The following FBXO5 variants were observed in gnomAD, a reference collection of about 807,000 sequenced individuals.
FBXO5 encodes F-box only protein 5.
A neutral mutation model predicts 43.3 loss-of-function variants in FBXO5; 8 were observed. That is an observed-to-expected ratio of 0.18 (90% confidence interval 0.11 to 0.33). The LOEUF is 0.33. Ranked by LOEUF, FBXO5 falls within the 10% of genes least tolerant of loss-of-function variation. The pLI, the probability that FBXO5 is intolerant of heterozygous loss-of-function variation, is 1.00. For synonymous variants in FBXO5, 204 were observed against 193.7 expected (o/e 1.05, Z -0.44); for missense variants, 491 against 535.7 (o/e 0.92, Z 0.82).
chr6:152,974,838 G>T, intron 2 of FBXO5, 69 bp downstream of exon 2: 4 of 1,210,482 alleles, frequency 3.3e-6, no homozygotes, highest in Non-Finnish European at 4.6e-6. Context: ...GCATGAGCTG[G>T]TGGTACTGAG....
intron 4 of FBXO5, 46 bp from the exon 5 acceptor site, chr6:152,971,460 C>T (rs1470870407): frequency 6.4e-7 from 1 of 1,554,108 alleles, no homozygotes; most frequent in African/African-American, 1.4e-5. Flanking sequence ...GCAAGAATTA[C>T]ATGTACTTTA....
At chr6:152,978,479 C>A (rs188973835) in intron 1 of FBXO5, among the ~76,000 whole-genome samples, 126 of 147,482 alleles carry the variant, frequency 8.5e-4, no homozygotes, top group African/African-American at 3.0e-3. Context: ...TCCTTAAAGG[C>A]CAGACATAAC....
At position 152,982,865 on chromosome 6, in the gene FBXO5, G is replaced by A. The variant is rs1365952684; in HGVS notation, c.95C>T (p.Pro32Leu). 6.6e-7 allele frequency: 1 copy of A among 1,510,202 alleles called. No homozygotes were observed. Among genetic ancestry groups the A allele is most frequent in the African/African-American group, 1.4e-5 (1 of 69,074 alleles). The allele number at this position is 1,510,202 out of a possible 1,614,324, so 93.6% of individuals were successfully genotyped here. Residue 32 changes from proline (P) to leucine (L), a missense_variant, in exon 1 of 5, where the codon CCC (proline) becomes CTC (leucine). Pro to Leu is a moderately conservative substitution (Grantham distance 98). Transcript: ENST00000229758. Reference sequence around the variant, plus strand: ...CCGCTCCCCTCACTCACTATCCGAGGGTCGAGGGCGCCCGGCGGCTGTCAC... The same window carrying A: ...CCGCTCCCCTCACTCACTATCCGAGAGTCGAGGGCGCCCGGCGGCTGTCAC... The part of the protein sequence containing the change: ...SAVTAAGRPR[P>L]SDSCKEESST...
chr6:152,982,831 C>T (rs761707629), intron 1 of FBXO5, 26 bp downstream of exon 1: 34 of 1,457,308 alleles, frequency 2.3e-5, no homozygotes, highest in Non-Finnish European at 3.0e-5. Flanking sequence ...GTGCGCGCCC[C>T]CCTCGCGACC....
At chr6:152,972,821 AT>A in intron 3 of FBXO5, 1 of 505,784 alleles carries the variant, frequency 2.0e-6, no homozygotes, top group Admixed American at 3.6e-5. Context: ...GAAATGAGTA[AT>A]TTTCCCTTTG....
At chr6:152,981,173 T>C (rs181908483) in intron 1 of FBXO5, among the ~76,000 whole-genome samples, 4 of 152,312 alleles carry the variant, frequency 2.6e-5, no homozygotes, top group Non-Finnish European at 5.9e-5. Context: ...CTATTCCTAT[T>C]TTTCCCCCAA....
At chr6:152,983,230 T>G (rs968995884), upstream of FBXO5, 1 of 348,692 alleles carries the variant, frequency 2.9e-6, no homozygotes, top group Admixed American at 4.8e-5. Context: ...CCCTTCCAGC[T>G]TACCGGCTCC....
chr6:152,982,341 G>A (rs1229022218), intron 1 of FBXO5, among the ~76,000 whole-genome samples: 3 of 152,132 alleles, frequency 2.0e-5, no homozygotes, highest in Non-Finnish European at 2.9e-5. Flanking sequence ...AGCAAGGCTG[G>A]GACCGCGAAA....
At chr6:152,979,912 T>C (rs1234552071) in intron 1 of FBXO5, among the ~76,000 whole-genome samples, 1 of 152,232 alleles carries the variant, frequency 6.6e-6, no homozygotes, top group African/African-American at 2.4e-5. Flanking sequence ...GTTTCCTTTT[T>C]TTTGGAAAAA....
At chr6:152,975,790 C>A (rs543697581) in intron 1 of FBXO5, among the ~76,000 whole-genome samples, 169 bp from the exon 2 acceptor site, 1 of 152,246 alleles carries the variant, frequency 6.6e-6, no homozygotes, top group East Asian at 1.9e-4. Context: ...ATTGATATGA[C>A]AATAATATGT....
At chr6:152,976,529 G>T (rs953582876) in intron 1 of FBXO5, among the ~76,000 whole-genome samples, 1 of 152,124 alleles carries the variant, frequency 6.6e-6, no homozygotes, top group African/African-American at 2.4e-5. Flanking sequence ...CCAAAGAACC[G>T]TAAGTATGAA....
rs201813430 is a variant in FBXO5 at position 152,978,569 on chromosome 6, AT to A, written c.104-2949del. On this transcript the variant is annotated intron_variant, in intron 1 of 4. Coordinates refer to ENST00000229758, the MANE Select transcript of FBXO5 (RefSeq NM_012177.5). ...CATATGATATAAAAATGTGTTTCCC[AT>A]TTTTTTTTGTTAGCTAATACCAACA... Among the ~76,000 whole-genome samples, 8 of 151,248 alleles carry A rather than the reference AT, an allele frequency of 5.3e-5. No individual in the cohort carries two copies. The South Asian group carries it at 8.4e-4, about 16-fold the overall frequency.
At chr6:152,976,187 A>G (rs1562291570) in intron 1 of FBXO5, among the ~76,000 whole-genome samples, 2 of 152,340 alleles carry the variant, frequency 1.3e-5, no homozygotes, top group African/African-American at 4.8e-5. Flanking sequence ...AATAATCTTG[A>G]TAAAAATAAT....
At position 152,972,261 on chromosome 6, in the gene FBXO5, C is replaced by CA. The variant is rs764667006; in HGVS notation, c.1092+10dup. The CA allele has an allele frequency of 5.7e-6, 9 of 1,592,448 alleles. No homozygotes were observed. The East Asian group carries it at 6.7e-5, about 12-fold the overall frequency. On this transcript the variant is annotated intron_variant, in intron 4 of 4. Coordinates refer to ENST00000229758, the MANE Select transcript of FBXO5 (RefSeq NM_012177.5). Reference sequence around the variant, plus strand: ...TTATGTTTTAAGATTTATGATTAGACAAAAAATTACCTCAGAGAATTCATT... The same window carrying CA: ...TTATGTTTTAAGATTTATGATTAGACAAAAAAATTACCTCAGAGAATTCATT...
At chr6:152,972,131 CATT>C (rs1406519855) in intron 4 of FBXO5, 138 bp downstream of exon 4, 3 of 520,108 alleles carry the variant, frequency 5.8e-6, no homozygotes, top group African/African-American at 5.7e-5. Flanking sequence ...TTTAAATGAT[CATT>C]AATATCAGGT....
intron 1 of FBXO5, among the ~76,000 whole-genome samples, chr6:152,976,619 G>A (rs1778172564): frequency 6.6e-6 from 1 of 152,226 alleles, no homozygotes; most frequent in South Asian, 2.1e-4. Flanking sequence ...AAGAATATGA[G>A]TGATAGGGCA....
upstream of FBXO5, chr6:152,983,486 C>A (rs570012216): frequency 6.6e-6 from 1 of 152,520 alleles, no homozygotes; most frequent in South Asian, 2.1e-4. Context: ...AACGGGAGTT[C>A]GGTGAGCAGC....
intron 1 of FBXO5, 112 bp downstream of exon 1, chr6:152,982,745 T>C (rs1464591406): frequency 1.0e-5 from 7 of 701,718 alleles, no homozygotes; most frequent in African/African-American, 3.8e-5. Flanking sequence ...GCGTGTGGCA[T>C]GGCCGCGCGT....
In FBXO5 at chr6:152,973,054, T is replaced by C; in HGVS notation, c.901A>G (p.Arg301Gly). 2 of 1,613,302 alleles carry C rather than the reference T, an allele frequency of 1.2e-6. No individual in the cohort carries two copies. Among genetic ancestry groups the C allele is most frequent in the Middle Eastern group, 1.7e-4 (1 of 6,056 alleles). Residue 301 changes from arginine to glycine, a missense_variant, in exon 3 of 5, where the codon AGA becomes GGA. Arg to Gly is a moderately radical substitution (Grantham distance 125). Transcript: ENST00000229758. ...CATCTGCAAACACTTACGGTAACTC[T>C]TTGTATTGCTTTACTGTACAACTGG... ...AFQLYSKAIQ[R>G]VTENNNKFSP...
Sources: gnomAD v4.1 joint callset for allele counts (sites outside exome capture counted in the v4.1 genomes callset) on GRCh38, gnomAD v4.1.1 for gene constraint, MANE v1.5 for transcripts, NCBI Gene and HGNC (gene_info 2026-07-23, HGNC 2026-07-21) for gene names.